The following FARSA variants were observed in gnomAD, a reference collection of about 807,000 sequenced individuals.
The protein encoded by FARSA is phenylalanyl-tRNA synthetase subunit alpha, also known as phenylalanine--tRNA ligase alpha subunit.
Under a neutral mutation model 63.2 loss-of-function variants are expected in FARSA, and 37 were observed. That is an observed-to-expected ratio of 0.59 (90% confidence interval 0.45 to 0.77). FARSA has a LOEUF of 0.77. Ranked by LOEUF, FARSA falls within the 30% of genes least tolerant of loss-of-function variation. The pLI is 0.00. For synonymous variants in FARSA, 312 were observed against 285.1 expected, an observed-to-expected ratio of 1.09 and a Z score of -0.95; for missense variants, 618 against 696.6, an observed-to-expected ratio of 0.89 and a Z score of 1.27.
chr19:12,924,302 T>G lies in FARSA; in HGVS notation c.1274-37A>C. 6.3e-7 allele frequency: 1 copy of G among 1,586,890 alleles called. No homozygotes were observed. Among genetic ancestry groups the G allele is most frequent in the Non-Finnish European group, 8.7e-7 (1 of 1,156,060 alleles). On this transcript the variant is annotated intron_variant, in intron 11 of 12. Transcript: ENST00000314606. This position sits in a 1 kb window ranked among gnomAD's most constrained non-coding sequence, Gnocchi z 6.4. The stretch of plus-strand genomic sequence containing the variant: ...GGACAGAAAAGACGGGCAGTGCGTG[T>G]TGAGTTTCTGGGCACTGCTGGTACA...
intron 7 of FARSA, among the ~76,000 whole-genome samples, chr19:12,926,139 T>G (rs1222516571): frequency 6.6e-6 from 1 of 151,014 alleles, no homozygotes; most frequent in East Asian, 1.9e-4. Flanking sequence ...CAGCTAATTT[T>G]TGTATTTTTA....
intron 8 of FARSA, 21 bp from the exon 9 acceptor site, chr19:12,925,024 A>G: frequency 6.2e-7 from 1 of 1,612,782 alleles, no homozygotes; most frequent in South Asian, 1.1e-5. Flanking sequence ...GAAGGTGGGA[A>G]GTCCATGCAA....
intron 7 of FARSA, among the ~76,000 whole-genome samples, chr19:12,925,948 T>C (rs1037464081): frequency 6.6e-6 from 1 of 150,694 alleles, no homozygotes; most frequent in Non-Finnish European, 1.5e-5. Flanking sequence ...GCTGGGATCA[T>C]GCCACCGCGC....
chr19:12,933,157 C>G, intron 1 of FARSA: 1 of 239,934 alleles, frequency 4.2e-6, no homozygotes, highest in Admixed American at 5.6e-5. Context: ...AGAGAACAGA[C>G]TCAGCCGTCA....
intron 1 of FARSA, among the ~76,000 whole-genome samples, chr19:12,932,688 C>T (rs1408922062): frequency 1.3e-5 from 2 of 152,192 alleles, no homozygotes; most frequent in African/African-American, 2.4e-5. Context: ...ATGAGCTCTA[C>T]GGATAAACAG....
intron 1 of FARSA, 148 bp downstream of exon 1, chr19:12,933,402 C>T: frequency 1.1e-6 from 1 of 929,206 alleles, no homozygotes; most frequent in Non-Finnish European, 1.6e-6. Context: ...CTCACTCGTC[C>T]CACTTCCCGC....
intron 1 of FARSA, among the ~76,000 whole-genome samples, chr19:12,930,951 G>A (rs1971387535): frequency 1.3e-5 from 2 of 152,196 alleles, no homozygotes; most frequent in Admixed American, 6.5e-5. Flanking sequence ...TAACACAGGG[G>A]TAGTAATAAT....
Position 12,924,379 on chromosome 19 carries a change from G to A in FARSA, c.1273+70C>T. 6.4e-7 allele frequency: 1 copy of A among 1,560,064 alleles called. No homozygotes were observed. Among genetic ancestry groups the A allele is most frequent in the Non-Finnish European group, 8.8e-7 (1 of 1,135,860 alleles). Reference sequence around the variant, plus strand: ...GGAGGTGGGGTACAGGCATGGCAATGGGGGGACCCAGGCCAAACCATAGTA... The same window carrying A: ...GGAGGTGGGGTACAGGCATGGCAATAGGGGGACCCAGGCCAAACCATAGTA... On this transcript the variant is annotated intron_variant, in intron 11 of 12. Transcript: ENST00000314606. This position sits in a 1 kb window ranked among gnomAD's most constrained non-coding sequence, Gnocchi z 6.4.
intron 1 of FARSA, among the ~76,000 whole-genome samples, chr19:12,932,006 A>G (rs1971402528): frequency 6.6e-6 from 1 of 151,576 alleles, no homozygotes; most frequent in Non-Finnish European, 1.5e-5. Context: ...AAGAATATAT[A>G]GTGCCTACCA....
chr19:12,930,143 C>T lies in FARSA; in HGVS notation c.503+80G>A, dbSNP rs201256817. 256 of 1,135,602 alleles carry T rather than the reference C, an allele frequency of 2.3e-4. 4 individuals are homozygous for T. The South Asian group carries it at 3.2e-3, about 14-fold the overall frequency. 70.3% of individuals were successfully genotyped at this position (1,135,602 alleles called of 1,614,324 possible). A position where few individuals can be genotyped will look rare whatever the true frequency, so the allele number is the denominator to read the frequency against. ...TGGCCACACCTGTGCTTGGTGTGGG[C>T]AAGATGTCTCCCTCCCACCATGCCT... On this transcript the variant is annotated intron_variant, in intron 4 of 12. Coordinates refer to ENST00000314606, the MANE Select transcript of FARSA (RefSeq NM_004461.3).
chr19:12,926,446 T>C (rs1424593955), intron 7 of FARSA, among the ~76,000 whole-genome samples: 1 of 151,682 alleles, frequency 6.6e-6, no homozygotes, highest in African/African-American at 2.4e-5. Context: ...TAATTGTTTT[T>C]GTATTTTTGG....
Position 12,928,758 on chromosome 19 carries a change from G to A in FARSA, c.593C>T (p.Ser198Phe). The A allele has an allele frequency of 6.2e-7, 1 of 1,614,164 alleles. No individual in the cohort carries two copies. Among genetic ancestry groups the A allele is most frequent in the Admixed American group, 1.7e-5 (1 of 60,026 alleles). ...QETELSPEMI[S>F]SGSWRDRPFK... is the part of the protein sequence containing the mutation. ...TGACCCTGGGGTTGCCTGCTACCTG[G>A]AGATCATCTCTGGGCTCAGCTCTGT... The change falls in exon 5 of 13, where the codon TCC (serine) becomes TTC (phenylalanine). Residue 198 changes from serine (S) to phenylalanine (F), a missense_variant. By Grantham distance (155) the Ser-to-Phe change is radical. Coordinates refer to ENST00000314606, the MANE Select transcript of FARSA (RefSeq NM_004461.3).
intron 7 of FARSA, among the ~76,000 whole-genome samples, chr19:12,925,966 T>G (rs1467168415): frequency 7.6e-6 from 1 of 131,662 alleles, no homozygotes; most frequent in Admixed American, 7.6e-5. Flanking sequence ...CGCCCGACCT[T>G]TTTATTTTTT....
chr19:12,922,826 G>A lies in FARSA; in HGVS notation c.1449C>T (p.Asn483=), dbSNP rs1451016708. The part of the protein sequence containing the change: ...NIRELVGHKV[N]LQMVYDSPLC... ...GGGGACTGTCATACACCATCTGCAG[G>A]TTCACCTTGTGGCCCACCAGCTCCC... Residue 483 remains asparagine (N), a synonymous_variant, in exon 13 of 13, where the codon AAC becomes AAT. Transcript: ENST00000314606. 2.5e-6 allele frequency: 4 copies of A among 1,614,116 alleles called. No homozygotes were observed. The highest frequency in any genetic ancestry group is 2.5e-6 in the Non-Finnish European group (3 of 1,180,020).
Position 12,933,671 on chromosome 19 carries a change from A to C in FARSA, c.26T>G (p.Leu9Arg), listed in dbSNP as rs1353583528. The change falls in exon 1 of 13, where the codon CTG becomes CGG. Residue 9 changes from leucine (L) to arginine (R), a missense_variant. Transcript: ENST00000314606. The part of the protein sequence containing the change: MADGQVAE[L>R]LLRRLEASDG... Reference sequence around the variant, plus strand: ...AGACGCCTCCAGCCGCCGGAGCAGCAGTTCCGCCACCTGACCATCCGCCAT... The same window carrying C: ...AGACGCCTCCAGCCGCCGGAGCAGCCGTTCCGCCACCTGACCATCCGCCAT... 12 of 1,564,346 alleles carry C rather than the reference A, an allele frequency of 7.7e-6. No homozygotes were observed. The highest frequency in any genetic ancestry group is 1.0e-5 in the Non-Finnish European group (12 of 1,158,882).
chr19:12,930,106 C>G, intron 4 of FARSA, 117 bp downstream of exon 4: 1 of 785,736 alleles, frequency 1.3e-6, no homozygotes, highest in Non-Finnish European at 2.1e-6. Context: ...ATTAAGCGAG[C>G]TGGGAGGAAA....
intron 7 of FARSA, among the ~76,000 whole-genome samples, chr19:12,927,726 T>C (rs1469368307): frequency 1.7e-5 from 1 of 57,984 alleles, no homozygotes; most frequent in Non-Finnish European, 2.9e-5. Flanking sequence ...AATGAGACTG[T>C]CTCAAAAAAA....
In FARSA at chr19:12,928,530, C is replaced by T. The variant is rs756233555; in HGVS notation, c.725+5G>A. 1 of 1,614,142 alleles carries T rather than the reference C, an allele frequency of 6.2e-7. No individual in the cohort carries two copies. Among genetic ancestry groups the T allele is most frequent in the East Asian group, 2.2e-5 (1 of 44,876 alleles). On this transcript the variant is annotated splice_donor_5th_base_variant and intron_variant, in intron 6 of 12. Transcript: ENST00000314606. Reference sequence around the variant, plus strand: ...ACCAGGCACCGCCCCCAGCCCTGTGCTCACCCCATCTCCAGGAAGATCTGT... The same window carrying T: ...ACCAGGCACCGCCCCCAGCCCTGTGTTCACCCCATCTCCAGGAAGATCTGT...
chr19:12,924,569 G>C lies in FARSA; in HGVS notation c.1196-43C>G, dbSNP rs1202910792. 1 of 1,612,874 alleles carries C rather than the reference G, an allele frequency of 6.2e-7. No homozygotes were observed. Among genetic ancestry groups the C allele is most frequent in the Non-Finnish European group, 8.5e-7 (1 of 1,179,724 alleles). On this transcript the variant is annotated intron_variant, in intron 10 of 12. Coordinates refer to ENST00000314606, the MANE Select transcript of FARSA (RefSeq NM_004461.3). The surrounding 1 kb of genome is among the most constrained non-coding windows in gnomAD (Gnocchi z 6.4). ...CGGGCAGGAGAGCAGGGGTTTGGAGGATAATGCTGGTGATCAACACACCTG... is the reference window on the plus strand; with the variant it reads ...CGGGCAGGAGAGCAGGGGTTTGGAGCATAATGCTGGTGATCAACACACCTG...
Sources: allele counts gnomAD v4.1 joint callset (sites outside exome capture counted in the v4.1 genomes callset), GRCh38; gene constraint gnomAD v4.1.1; non-coding constraint Gnocchi (gnomAD v3.1); transcripts MANE v1.5; gene names NCBI Gene and HGNC (gene_info 2026-07-23, HGNC 2026-07-21).